Variants in CBLB observed in about 807,000 individuals in gnomAD.
CBLB encodes E3 ubiquitin-protein ligase CBL-B.
Under a neutral mutation model 104.9 loss-of-function variants are expected in CBLB, and 31 were observed. The observed-to-expected ratio is 0.30, with a 90% CI of 0.22 to 0.40. The LOEUF (loss-of-function observed/expected upper bound fraction) is 0.40, where lower values mean the gene tolerates loss of function less well. Ranked by LOEUF, CBLB falls within the 10% of genes least tolerant of loss-of-function variation. The pLI is 1.00. For missense variants in CBLB, 1,062 were observed against 1,214.6 expected (o/e 0.87, Z 1.87); for synonymous variants, 440 against 422.6 (o/e 1.04, Z -0.51).
At chr3:105,775,557 C>G (rs1178834721) in intron 4 of CBLB, among the ~76,000 whole-genome samples, 2 of 152,148 alleles carry the variant, frequency 1.3e-5, no homozygotes, top group Non-Finnish European at 2.9e-5. Flanking sequence ...CTTACTCAGC[C>G]AGGGCTTTGC....
Position 105,659,150 on chromosome 3 carries a change from A to T in CBLB, c.2769T>A (p.His923Gln), listed in dbSNP as rs200880425. ...TAPEIHHRKP[H>Q]GPEAALENVD... The stretch of plus-strand genomic sequence containing the variant: ...CATTTTCCAATGCCGCCTCAGGCCC[A>T]TGGGGTTTTCTGTGGTGAATTTCTG... The change falls in exon 19 of 19, where the codon CAT becomes CAA. Residue 923 changes from histidine to glutamine, a missense_variant. Transcript: ENST00000394030. 7 of 1,613,930 alleles carry T rather than the reference A, an allele frequency of 4.3e-6. No individual in the cohort carries two copies. In the East Asian group the frequency reaches 1.6e-4, roughly 36 times the overall value.
chr3:105,819,334 A>T (rs1435678923), intron 3 of CBLB, among the ~76,000 whole-genome samples: 4 of 151,790 alleles, frequency 2.6e-5, no homozygotes, highest in Non-Finnish European at 1.5e-5. Context: ...TAAAAATGCG[A>T]AAATTAGCCA....
At chr3:105,679,962 C>A (rs1344405494) in intron 16 of CBLB, among the ~76,000 whole-genome samples, 1 of 152,014 alleles carries the variant, frequency 6.6e-6, no homozygotes, top group African/African-American at 2.4e-5. Context: ...CCTTAAACAT[C>A]TGACACTGGG....
rs114910853 is a variant in CBLB at position 105,734,924 on chromosome 3, C to T, written c.1072-784G>A. Among the ~76,000 whole-genome samples, 468 of 152,102 alleles carry T rather than the reference C, an allele frequency of 3.1e-3. 3 individuals carry two copies. Among genetic ancestry groups the T allele is most frequent in the Admixed American group, 6.2e-3 (95 of 15,268 alleles). On this transcript the variant is annotated intron_variant, in intron 8 of 18. Transcript: ENST00000394030. ...CAGTAAAATTTTCAAAATTCAAATACTGAAAAGATCTTCGTGACAAAAATA... is the reference window on the plus strand; with the variant it reads ...CAGTAAAATTTTCAAAATTCAAATATTGAAAAGATCTTCGTGACAAAAATA...
At chr3:105,848,269 C>G (rs2153109708) in intron 3 of CBLB, among the ~76,000 whole-genome samples, 1 of 152,156 alleles carries the variant, frequency 6.6e-6, no homozygotes, top group East Asian at 1.9e-4. Flanking sequence ...GGCATGCAGC[C>G]TGCTCATGCC....
intron 3 of CBLB, among the ~76,000 whole-genome samples, chr3:105,790,802 G>GACAGACT (rs2081543979): frequency 6.6e-6 from 1 of 152,186 alleles, no homozygotes; most frequent in African/African-American, 2.4e-5. Context: ...ATGGCAATAT[G>GACAGACT]ACAGACTACA....
chr3:105,816,013 T>C (rs900317272), intron 3 of CBLB, among the ~76,000 whole-genome samples: 8 of 151,774 alleles, frequency 5.3e-5, no homozygotes, highest in African/African-American at 1.9e-4. Flanking sequence ...TGAGAACATA[T>C]GGGCACAGGG....
At chr3:105,859,895 C>T (rs984426610) in intron 2 of CBLB, among the ~76,000 whole-genome samples, 2 of 151,978 alleles carry the variant, frequency 1.3e-5, no homozygotes, top group Admixed American at 6.5e-5. Flanking sequence ...TATAAAAATA[C>T]ACTTTTTTAA....
At chr3:105,685,776 T>A (rs2066928505) in intron 13 of CBLB, among the ~76,000 whole-genome samples, 1 of 152,202 alleles carries the variant, frequency 6.6e-6, no homozygotes, top group Admixed American at 6.5e-5. Context: ...ACAAATTTAT[T>A]CAAACCAAAT....
In CBLB at chr3:105,685,369, A is replaced by C. The variant is rs761564260; in HGVS notation, c.2152T>G (p.Ser718Ala). Residue 718 changes from serine (S) to alanine (A), a missense_variant, in exon 14 of 19, where the codon TCC becomes GCC. Transcript: ENST00000394030. ...CAATGAGATGGTTGTGAATTCAGGG[A>C]AACAGGGTGGGATGAAGGAATCTTG... is the stretch of plus-strand genomic sequence containing the variant. ...EYKIPSSHPV[S>A]LNSQPSHCHN... is the part of the protein sequence containing the mutation. The C allele has an allele frequency of 2.0e-5, 32 of 1,613,648 alleles. No homozygotes were observed. In the South Asian group the frequency reaches 3.1e-4, roughly 16 times the overall value.
chr3:105,863,074 G>A (rs1398709027), intron 2 of CBLB, among the ~76,000 whole-genome samples: 1 of 152,144 alleles, frequency 6.6e-6, no homozygotes, highest in Non-Finnish European at 1.5e-5. Flanking sequence ...CTTCTAAAAA[G>A]AAGAAAGAAA....
At chr3:105,760,280 TA>T (rs1212304109) in intron 4 of CBLB, among the ~76,000 whole-genome samples, 1 of 152,198 alleles carries the variant, frequency 6.6e-6, no homozygotes, top group African/African-American at 2.4e-5. Flanking sequence ...AAGCTGCAAG[TA>T]TAATCCATAA....
chr3:105,781,597 C>T (rs2080264105), intron 3 of CBLB, among the ~76,000 whole-genome samples: 1 of 151,994 alleles, frequency 6.6e-6, no homozygotes, highest in Non-Finnish European at 1.5e-5. Flanking sequence ...GATTAGTGGC[C>T]TCCACTAAAT....
intron 4 of CBLB, chr3:105,762,488 T>G (rs1011102416): frequency 2.0e-5 from 3 of 152,276 alleles, no homozygotes; most frequent in Non-Finnish European, 4.4e-5. Context: ...ATCCCAGCCA[T>G]GGCTATAAGG....
At chr3:105,708,108 CCTT>C (rs2070476618) in intron 10 of CBLB, among the ~76,000 whole-genome samples, 1 of 152,198 alleles carries the variant, frequency 6.6e-6, no homozygotes, top group Middle Eastern at 3.4e-3. Context: ...TAAATTGACT[CCTT>C]ATCAGCCATT....
chr3:105,655,564 T>C lies in CBLB; in HGVS notation c.*3406A>G, dbSNP rs2063285382. ...AAGGAATGAATAAAATATAAATTAA[T>C]TGAACATATGACTATTTTGCCACAT... On this transcript the variant is annotated 3_prime_UTR_variant, in exon 19 of 19. Coordinates refer to ENST00000394030, the MANE Select transcript of CBLB (RefSeq NM_170662.5). The C allele has an allele frequency of 5.5e-6, 1 of 180,550 alleles. No homozygotes were observed. The highest frequency in any genetic ancestry group is 2.4e-5 in the African/African-American group (1 of 42,406). 11.2% of individuals were successfully genotyped at this position (180,550 alleles called of 1,614,324 possible). A position where few individuals can be genotyped will look rare whatever the true frequency, so the allele number is the denominator to read the frequency against.
chr3:105,696,143 T>C (rs2301045), intron 12 of CBLB, among the ~76,000 whole-genome samples: 191 of 151,456 alleles, frequency 1.3e-3, no homozygotes, highest in South Asian at 2.1e-3. Context: ...CTATAAACTG[T>C]TCATAAATAT....
In CBLB at chr3:105,778,598, G is replaced by A. The variant is rs368363088; in HGVS notation, c.420-2056C>T. Among the ~76,000 whole-genome samples the A allele has an allele frequency of 1.3e-4, 19 of 151,880 alleles. No individual in the cohort carries two copies. In the South Asian group the frequency reaches 2.9e-3, roughly 23 times the overall value. On this transcript the variant is annotated intron_variant, in intron 3 of 18. Coordinates refer to ENST00000394030, the MANE Select transcript of CBLB (RefSeq NM_170662.5). ...TCACCTATTTCCATAACTTATCTACGGAAAGCTTTTTGATGAAAGGGGGGA... is the reference window on the plus strand; with the variant it reads ...TCACCTATTTCCATAACTTATCTACAGAAAGCTTTTTGATGAAAGGGGGGA...
intron 10 of CBLB, among the ~76,000 whole-genome samples, chr3:105,708,953 C>T (rs1027525446): frequency 6.6e-6 from 1 of 151,114 alleles, no homozygotes; most frequent in Non-Finnish European, 1.5e-5. Flanking sequence ...CAAAGCTTGC[C>T]CATCTACACT....
Sources: gnomAD v4.1 joint callset for allele counts (sites outside exome capture counted in the v4.1 genomes callset) on GRCh38, gnomAD v4.1.1 for gene constraint, MANE v1.5 for transcripts, NCBI Gene and HGNC (gene_info 2026-07-23, HGNC 2026-07-21) for gene names.